Variants in LRMDA observed in about 807,000 individuals in gnomAD.
LRMDA encodes the protein leucine rich melanocyte differentiation associated, also known as leucine-rich melanocyte differentiation-associated protein.
In LRMDA, 18 loss-of-function variants were observed where a neutral mutation model predicts 29.8. That is an observed-to-expected ratio of 0.60 (90% CI 0.42 to 0.90). The LOEUF is 0.90. Among genes scored for constraint, LRMDA ranks in the 40% least tolerant of loss-of-function variants. The pLI is 0.00. For synonymous variants in LRMDA, 125 were observed against 109.4 expected (o/e 1.14, Z -0.89); for missense variants, 273 against 273.9 (o/e 1.00, Z 0.02).
intron 6 of LRMDA, among the ~76,000 whole-genome samples, chr10:76,444,351 C>T (rs555442781): frequency 4.6e-5 from 7 of 152,122 alleles, no homozygotes; most frequent in South Asian, 4.2e-4. Context: ...AGGTGGTGTT[C>T]AATGGGAATC....
intron 5 of LRMDA, among the ~76,000 whole-genome samples, chr10:76,074,142 G>A (rs962317894): frequency 3.9e-5 from 6 of 152,168 alleles, no homozygotes; most frequent in African/African-American, 1.4e-4. Context: ...CTTCTCAGGG[G>A]TTATACTTGT....
chr10:76,453,753 T>G (rs986181262), intron 6 of LRMDA, among the ~76,000 whole-genome samples: 6 of 152,242 alleles, frequency 3.9e-5, no homozygotes, highest in African/African-American at 1.4e-4. Flanking sequence ...GGATGTAGAT[T>G]CCAGAAATTC....
intron 4 of LRMDA, among the ~76,000 whole-genome samples, chr10:76,056,398 G>A (rs1848614955): frequency 6.6e-6 from 1 of 152,214 alleles, no homozygotes; most frequent in Non-Finnish European, 1.5e-5. Context: ...CTGGCCTGAT[G>A]GTGGGGTTTC....
At chr10:76,119,603 C>G (rs1344590269) in intron 5 of LRMDA, among the ~76,000 whole-genome samples, 1 of 152,138 alleles carries the variant, frequency 6.6e-6, no homozygotes, top group East Asian at 1.9e-4. Context: ...TTCTCACTTT[C>G]TGGGGAAGTA....
At chr10:75,716,587 A>G (rs924211435) in intron 2 of LRMDA, among the ~76,000 whole-genome samples, 1 of 152,206 alleles carries the variant, frequency 6.6e-6, no homozygotes, top group Non-Finnish European at 1.5e-5. Flanking sequence ...ACATTGATTA[A>G]AAGTGTTGCA....
At chr10:76,399,792 T>C (rs530172871) in intron 6 of LRMDA, among the ~76,000 whole-genome samples, 4 of 152,228 alleles carry the variant, frequency 2.6e-5, no homozygotes, top group Non-Finnish European at 4.4e-5. Flanking sequence ...TGCCAAGTCC[T>C]GTGAATTATA....
intron 5 of LRMDA, among the ~76,000 whole-genome samples, chr10:76,281,471 C>A (rs1327515046): frequency 6.6e-6 from 1 of 152,016 alleles, no homozygotes; most frequent in African/African-American, 2.4e-5. Flanking sequence ...ATTCTATATC[C>A]AATAGGTGGC....
rs898623443 is a variant in LRMDA, at chr10:76,298,271, A to G, written c.517-26130A>G. Among the ~76,000 whole-genome samples the G allele has an allele frequency of 3.9e-5, 6 of 152,208 alleles. No homozygotes were observed. The East Asian group carries it at 9.6e-4, about 24-fold the overall frequency. On this transcript the variant is annotated intron_variant, in intron 5 of 6. Coordinates refer to ENST00000611255, the MANE Select transcript of LRMDA (RefSeq NM_001305581.2). ...TGCCTCCCACCCCCAACCAGTTAGC[A>G]GCATAGGGAAGGAGCTGGTACCAGC... is the stretch of plus-strand genomic sequence containing the variant.
chr10:75,729,841 A>G (rs1298056688), intron 2 of LRMDA, among the ~76,000 whole-genome samples: 1 of 152,218 alleles, frequency 6.6e-6, no homozygotes, highest in Non-Finnish European at 1.5e-5. Flanking sequence ...TAGTCACTCA[A>G]GGCTGGAGTG....
At chr10:76,410,229 G>A (rs1349799954) in intron 6 of LRMDA, among the ~76,000 whole-genome samples, 1 of 148,444 alleles carries the variant, frequency 6.7e-6, no homozygotes, top group East Asian at 2.1e-4. Context: ...GTAAGATCAT[G>A]AAGAACTTTA....
At chr10:76,434,929 G>A (rs1288422531) in intron 6 of LRMDA, among the ~76,000 whole-genome samples, 1 of 152,148 alleles carries the variant, frequency 6.6e-6, no homozygotes. Context: ...CAGTAGCCAG[G>A]CACTGTGTTA....
intron 6 of LRMDA, among the ~76,000 whole-genome samples, chr10:76,449,240 A>G (rs1223555515): frequency 6.6e-6 from 1 of 151,804 alleles, no homozygotes; most frequent in East Asian, 1.9e-4. Context: ...TATTTGTTTA[A>G]TCTGGCTGAC....
chr10:76,169,109 G>A (rs1850790077), intron 5 of LRMDA, among the ~76,000 whole-genome samples: 1 of 152,162 alleles, frequency 6.6e-6, no homozygotes, highest in African/African-American at 2.4e-5. Context: ...GCTCTTTTCA[G>A]CCTGCCCCAT....
At chr10:76,292,771 G>A (rs551892871) in intron 5 of LRMDA, among the ~76,000 whole-genome samples, 1 of 151,814 alleles carries the variant, frequency 6.6e-6, no homozygotes, top group East Asian at 1.9e-4. Flanking sequence ...CCAGAAAGCC[G>A]TGTGACAATT....
intron 2 of LRMDA, among the ~76,000 whole-genome samples, chr10:75,589,986 T>C (rs1326758652): frequency 6.6e-6 from 1 of 151,658 alleles, no homozygotes; most frequent in Non-Finnish European, 1.5e-5. Flanking sequence ...TTCTGATTTG[T>C]CATGCAAAAA....
chr10:75,765,487 C>T (rs1843151117), intron 2 of LRMDA, among the ~76,000 whole-genome samples: 1 of 152,166 alleles, frequency 6.6e-6, no homozygotes, highest in Non-Finnish European at 1.5e-5. Flanking sequence ...TGGATCACGT[C>T]TGTGTTTGTG....
At chr10:75,537,375 C>G (rs1046059754) in intron 2 of LRMDA, among the ~76,000 whole-genome samples, 1 of 152,186 alleles carries the variant, frequency 6.6e-6, no homozygotes, top group Non-Finnish European at 1.5e-5. Flanking sequence ...TGCTCTGATT[C>G]TGCCTAGCTT....
At chr10:76,476,498 A>G in intron 6 of LRMDA, among the ~76,000 whole-genome samples, 1 of 152,070 alleles carries the variant, frequency 6.6e-6, no homozygotes, top group East Asian at 1.9e-4. Flanking sequence ...CCATTCCTTC[A>G]GAAACTATTC....
intron 2 of LRMDA, among the ~76,000 whole-genome samples, chr10:76,009,826 C>T (rs1026998011): frequency 2.0e-5 from 3 of 152,048 alleles, no homozygotes; most frequent in Admixed American, 6.5e-5. Flanking sequence ...GCCTCTTTGC[C>T]GAGCAACCCC....
Sources: gnomAD v4.1 joint callset for allele counts (sites outside exome capture counted in the v4.1 genomes callset) on GRCh38, gnomAD v4.1.1 for gene constraint, MANE v1.5 for transcripts, NCBI Gene and HGNC (gene_info 2026-07-23, HGNC 2026-07-21) for gene names.